Variants in PCDH11Y observed in about 807,000 individuals in gnomAD.
PCDH11Y encodes the protein protocadherin-11 Y-linked.
For missense variants in PCDH11Y, 12 were observed against 224.8 expected (o/e 0.05, Z 6.05); for synonymous variants, 9 against 83.6 (o/e 0.11, Z 4.87).
intron 4 of PCDH11Y, among the ~76,000 whole-genome samples, chrY:5,700,565 A>G (rs2053576835): frequency 1.5e-4 from 5 of 33,460 alleles, no homozygotes; most frequent in Admixed American, 1.1e-3. Context: ...TCTCTTGCCT[A>G]TTGCCATGTA....
At chrY:5,273,000 T>C (rs2053039083) in intron 2 of PCDH11Y, among the ~76,000 whole-genome samples, 32 of 33,400 alleles carry the variant, frequency 9.6e-4, no homozygotes, top group Non-Finnish European at 7.4e-5. Context: ...GAATAAGCTA[T>C]CTAGTTTCAA....
chrY:5,437,934 A>G, intron 2 of PCDH11Y, among the ~76,000 whole-genome samples: 1 of 33,225 alleles, frequency 3.0e-5, no homozygotes, highest in South Asian at 6.7e-4. Context: ...TTTCAGTTAA[A>G]TATCTGGATT....
intron 2 of PCDH11Y, among the ~76,000 whole-genome samples, chrY:5,385,247 CCAAG>C (rs2053212195): frequency 3.7e-5 from 1 of 27,089 alleles, no homozygotes; most frequent in Admixed American, 3.6e-4. Flanking sequence ...CACGAATCTC[CCAAG>C]CAGCATACAT....
At chrY:5,087,030 T>C in intron 1 of PCDH11Y, among the ~76,000 whole-genome samples, 9 of 33,683 alleles carry the variant, frequency 2.7e-4, no homozygotes, top group Non-Finnish European at 5.9e-4. Context: ...AGGTGCCATC[T>C]GGAAGTGAGG....
intron 2 of PCDH11Y, among the ~76,000 whole-genome samples, chrY:5,440,166 T>C (rs2053279373): frequency 2.9e-5 from 1 of 34,022 alleles, no homozygotes; most frequent in Non-Finnish European, 7.3e-5. Context: ...CTCTAAAACT[T>C]AGTGGTTTAA....
At chrY:5,137,782 C>T (rs2052842493) in intron 2 of PCDH11Y, among the ~76,000 whole-genome samples, 19 of 32,912 alleles carry the variant, frequency 5.8e-4, no homozygotes, top group Admixed American at 8.4e-4. Context: ...TACTACTAGA[C>T]CTAAGAAATG....
chrY:5,339,607 G>A, intron 2 of PCDH11Y, among the ~76,000 whole-genome samples: 1 of 32,050 alleles, frequency 3.1e-5, no homozygotes, highest in Non-Finnish European at 7.5e-5. Context: ...GGGATTACAG[G>A]CATGAGACAC....
At chrY:5,052,263 A>G, upstream of PCDH11Y, among the ~76,000 whole-genome samples, 1 of 33,633 alleles carries the variant, frequency 3.0e-5, no homozygotes, top group Non-Finnish European at 7.4e-5. Flanking sequence ...TAGAAATTGT[A>G]CAAAAATTGT....
chrY:5,031,387 C>T (rs2052589848), intron 1 of PCDH11Y, among the ~76,000 whole-genome samples: 1 of 32,383 alleles, frequency 3.1e-5, no homozygotes, highest in East Asian at 8.0e-4. Flanking sequence ...AATTACCCCT[C>T]AAAGTTGAAG....
intron 1 of PCDH11Y, among the ~76,000 whole-genome samples, chrY:5,068,542 CTGTGTGTGTG>C (rs3067360): frequency 4.6e-5 from 1 of 21,777 alleles, no homozygotes; most frequent in African/African-American, 1.6e-4. Flanking sequence ...TTTGTGTCCT[CTGTGTGTGTG>C]TGTGTGTGTG....
intron 2 of PCDH11Y, among the ~76,000 whole-genome samples, chrY:5,114,851 A>C: frequency 3.2e-5 from 1 of 31,541 alleles, no homozygotes; most frequent in Non-Finnish European, 7.6e-5. Context: ...ATCTTTTCAA[A>C]TCTTAGCATC....
At chrY:5,731,251 T>C (rs2053604332) in intron 4 of PCDH11Y, among the ~76,000 whole-genome samples, 4 of 32,585 alleles carry the variant, frequency 1.2e-4, no homozygotes, top group Non-Finnish European at 3.0e-4. Flanking sequence ...GTCTGGGTTT[T>C]GTTTTTGGTT....
At position 5,065,986 on chromosome Y, in the gene PCDH11Y, G is replaced by GT. The variant is rs2052686330; in HGVS notation, c.636+8537dup. Among the ~76,000 whole-genome samples the GT allele has an allele frequency of 6.2e-3, 165 of 26,402 alleles. No homozygotes were observed. In the Middle Eastern group the frequency reaches 0.25, roughly 40 times the overall value. The allele number at this position is 26,402 out of a possible 37,273, so 70.8% of individuals were successfully genotyped here. ...TCCCCTTTCTAAGACAATCACGACT[G>GT]TTTTTTTTTTCCAGTAGATTTTGTA... is the stretch of plus-strand genomic sequence containing the variant. On this transcript the variant is annotated intron_variant, in intron 1 of 1. Transcript: ENST00000215473.
chrY:5,619,316 T>C, intron 4 of PCDH11Y, among the ~76,000 whole-genome samples: 1 of 32,938 alleles, frequency 3.0e-5, no homozygotes, highest in Non-Finnish European at 7.5e-5. Flanking sequence ...CAGACTTCCA[T>C]TGCAATCAAG....
At chrY:5,122,335 G>T in intron 2 of PCDH11Y, among the ~76,000 whole-genome samples, 1 of 33,038 alleles carries the variant, frequency 3.0e-5, no homozygotes, top group Non-Finnish European at 7.5e-5. Context: ...GGTAGGAGGA[G>T]CCCAGAGTGG....
At chrY:5,545,536 G>T in intron 3 of PCDH11Y, among the ~76,000 whole-genome samples, 2 of 32,208 alleles carry the variant, frequency 6.2e-5, no homozygotes, top group Non-Finnish European at 1.5e-4. Flanking sequence ...TTATTCTCCA[G>T]CGTATGATAT....
At chrY:5,618,856 AG>A (rs2053496943) in intron 4 of PCDH11Y, among the ~76,000 whole-genome samples, 2 of 26,692 alleles carry the variant, frequency 7.5e-5, no homozygotes, top group African/African-American at 1.4e-4. Context: ...AAAAAAAAAA[AG>A]GTATCCTAGT....
intron 2 of PCDH11Y, among the ~76,000 whole-genome samples, chrY:5,219,814 AAAC>A (rs2052950831): frequency 3.0e-5 from 1 of 33,832 alleles, no homozygotes; most frequent in Non-Finnish European, 7.3e-5. Flanking sequence ...CAAACAAAAA[AAAC>A]ACTGCTGAGA....
intron 2 of PCDH11Y, among the ~76,000 whole-genome samples, chrY:5,128,929 G>A: frequency 6.0e-5 from 2 of 33,081 alleles, no homozygotes; most frequent in Admixed American, 5.6e-4. Context: ...TAGATTCATA[G>A]GTAGTGACAA....
Sources: gnomAD v4.1 joint callset for allele counts (sites outside exome capture counted in the v4.1 genomes callset) on GRCh38, gnomAD v4.1.1 for gene constraint, MANE v1.5 for transcripts, NCBI Gene and HGNC (gene_info 2026-07-23, HGNC 2026-07-21) for gene names.